The following ZNF582 variants were observed in gnomAD, a reference collection of about 807,000 sequenced individuals.
The protein encoded by ZNF582 is zinc finger protein 582.
In ZNF582, 14 loss-of-function variants were observed where a neutral mutation model predicts 12.3. The observed-to-expected ratio is 1.14, with a 90% CI of 0.75 to 1.78. ZNF582 has a LOEUF of 1.78. Among genes scored for constraint, ZNF582 ranks in the 40% most tolerant of loss-of-function variants. The probability of loss-of-function intolerance (pLI) is 0.00; values close to 1 mark genes in which losing one functional copy is unlikely to be tolerated. For synonymous variants in ZNF582, 210 were observed against 207.2 expected (o/e 1.01, Z -0.11); for missense variants, 567 against 616.5 (o/e 0.92, Z 0.85).
chr19:56,384,036 T>G (rs779270955), exon 5 of ZNF582: 1 of 1,613,122 alleles, frequency 6.2e-7, no homozygotes, highest in African/African-American at 1.3e-5. Flanking sequence ...GAATCATGAC[T>G]CAAGGTCTTC....
chr19:56,390,337 A>G (rs181970274), intron 3 of ZNF582, 38 bp downstream of exon 3: 2 of 1,613,664 alleles, frequency 1.2e-6, no homozygotes, highest in East Asian at 4.5e-5. Context: ...GAACATGCCC[A>G]AGGATAACCT....
chr19:56,384,313 C>T (rs929486580), exon 5 of ZNF582: 6 of 1,612,792 alleles, frequency 3.7e-6, no homozygotes, highest in South Asian at 1.1e-5. Context: ...ATACTTTGCA[C>T]TCATAGGGTT....
rs1252041929 is a variant in ZNF582 at position 56,384,064 on chromosome 19, A to T, written c.1353T>A (p.Tyr451Ter). ...AGGTCTTCTCACATTCCTTATATTCATAGGGCTTTTTCTCAGTGTGAATAA... is the reference window on the plus strand; with the variant it reads ...AGGTCTTCTCACATTCCTTATATTCTTAGGGCTTTTTCTCAGTGTGAATAA... The change falls in exon 5 of 5, where the codon TAT (tyrosine) becomes TAA (stop). Residue 451 changes from tyrosine (Y) to a stop codon, truncating the protein, a stop_gained. Coordinates refer to ENST00000586929, the Ensembl canonical transcript of ZNF582. LOFTEE classifies it low-confidence loss of function (END_TRUNC). 6.2e-7 allele frequency: 1 copy of T among 1,611,240 alleles called. No homozygotes were observed. Among genetic ancestry groups the T allele is most frequent in the Non-Finnish European group, 8.5e-7 (1 of 1,178,960 alleles).
Position 56,384,583 on chromosome 19 carries a change from T to TATCA in ZNF582, c.833_834insTGAT (p.Gly279AspfsTer9). 1 of 1,614,052 alleles carries TATCA rather than the reference T, an allele frequency of 6.2e-7. No individual in the cohort carries two copies. The highest frequency in any genetic ancestry group is 8.5e-7 in the Non-Finnish European group (1 of 1,180,000). On this transcript the variant is annotated frameshift_variant, in exon 5 of 5. Coordinates refer to ENST00000586929, the Ensembl canonical transcript of ZNF582. LOFTEE classifies it low-confidence loss of function (END_TRUNC). ...CCTTACACTGATAGGGTTTCTCGCC[T>TATCA]GTGTGAGTTCGCTGATGTTCAATCA...
chr19:56,384,239 T>G, exon 5 of ZNF582: 3 of 1,614,042 alleles, frequency 1.9e-6, no homozygotes, highest in Non-Finnish European at 2.5e-6. Context: ...TTGGTAGGGT[T>G]TCTCTCCAGT....
At chr19:56,393,367 G>T in exon 1 of ZNF582, 2 of 887,532 alleles carry the variant, frequency 2.3e-6, no homozygotes, top group Non-Finnish European at 1.6e-6. Flanking sequence ...TTCTTCTCAG[G>T]CCTGAGACCC....
intron 4 of ZNF582, among the ~76,000 whole-genome samples, chr19:56,389,079 G>A (rs1463699714): frequency 6.6e-6 from 1 of 152,204 alleles, no homozygotes; most frequent in African/African-American, 2.4e-5. Flanking sequence ...CAGCTGAAAT[G>A]CCTTATCCTT....
rs143353050 is a variant in ZNF582 at position 56,384,357 on chromosome 19, G to C, written c.1060C>G (p.Leu354Val). The change falls in exon 5 of 5, where the codon CTT becomes GTT. Residue 354 changes from leucine (L) to valine (V), a missense_variant. Coordinates refer to ENST00000586929, the Ensembl canonical transcript of ZNF582. ...GTATGAATTCTCTGATGTCGTATAA[G>C]AGTTGAGCCTTGATTAAAAGCCTTC... The C allele has an allele frequency of 1.7e-5, 28 of 1,609,444 alleles. No individual in the cohort carries two copies. The Admixed American group carries it at 2.7e-4, about 15-fold the overall frequency.
chr19:56,383,642 G>GA (rs2041936689), exon 5 of ZNF582: 1 of 420,004 alleles, frequency 2.4e-6, no homozygotes, highest in Non-Finnish European at 4.0e-6. Flanking sequence ...ACTGTGGTTA[G>GA]AAAATGTGGT....
intron 4 of ZNF582, among the ~76,000 whole-genome samples, chr19:56,385,399 T>G (rs12974620): frequency 0.3 from 45,898 of 152,054 alleles, 7,237 homozygotes; most frequent in Middle Eastern, 0.47. Context: ...AAAATGTTAG[T>G]GTGGGGCTGG....
chr19:56,389,616 C>T (rs1263648967), intron 4 of ZNF582, among the ~76,000 whole-genome samples: 1 of 151,922 alleles, frequency 6.6e-6, no homozygotes, highest in Non-Finnish European at 1.5e-5. Context: ...TAAACAAACC[C>T]CCATGACACA....
rs1167117910 is a variant in ZNF582, at chr19:56,384,890, C to T, written c.527G>A (p.Cys176Tyr). ...TTCCTTTTGCCAGAAGTCTTTTCTA[C>T]ATTTATTATACCCAAAAGGTTTTTC... The change falls in exon 5 of 5, where the codon TGT becomes TAT. Residue 176 changes from cysteine to tyrosine, a missense_variant. Cys to Tyr is a radical substitution (Grantham distance 194). Coordinates refer to ENST00000586929, the Ensembl canonical transcript of ZNF582. 3 of 1,613,308 alleles carry T rather than the reference C, an allele frequency of 1.9e-6. No individual in the cohort carries two copies. The South Asian group carries it at 3.3e-5, about 18-fold the overall frequency.
chr19:56,388,696 G>A (rs763728899), intron 4 of ZNF582, among the ~76,000 whole-genome samples: 5 of 152,086 alleles, frequency 3.3e-5, no homozygotes, highest in East Asian at 1.9e-4. Context: ...GCAGTGGTTC[G>A]ATCTCGGATC....
exon 4 of ZNF582, chr19:56,390,024 A>C: frequency 6.2e-7 from 1 of 1,613,218 alleles, no homozygotes; most frequent in Non-Finnish European, 8.5e-7. Context: ...TCCAGACACC[A>C]CTCTCTCCAC....
At chr19:56,390,120 A>C (rs1568787638) in intron 3 of ZNF582, 24 bp from the exon 4 acceptor site, 4 of 1,610,188 alleles carry the variant, frequency 2.5e-6, no homozygotes, top group Middle Eastern at 1.7e-4. Context: ...GAAACATGCC[A>C]CCTGGTTATG....
chr19:56,385,689 A>T (rs1025511927), intron 4 of ZNF582, among the ~76,000 whole-genome samples: 8 of 149,792 alleles, frequency 5.3e-5, no homozygotes, highest in Non-Finnish European at 1.0e-4. Context: ...AAAAAAAAAG[A>T]GTTGGTGTGG....
chr19:56,382,767 T>G (rs377101982), exon 5 of ZNF582: 1 of 152,278 alleles, frequency 6.6e-6, no homozygotes, highest in African/African-American at 2.4e-5. Context: ...AGCAATCAAG[T>G]TTTATTTTTC....
At chr19:56,388,686 G>A (rs911424359) in intron 4 of ZNF582, among the ~76,000 whole-genome samples, 20 of 151,958 alleles carry the variant, frequency 1.3e-4, no homozygotes, top group African/African-American at 2.7e-4. Flanking sequence ...CAGCTGGAGC[G>A]CAGTGGTTCG....
chr19:56,390,121 C>A, intron 3 of ZNF582, 25 bp from the exon 4 acceptor site: 1 of 1,610,248 alleles, frequency 6.2e-7, no homozygotes, highest in Non-Finnish European at 8.5e-7. Flanking sequence ...AAACATGCCA[C>A]CTGGTTATGG....
Sources: allele counts gnomAD v4.1 joint callset (sites outside exome capture counted in the v4.1 genomes callset), GRCh38; gene constraint gnomAD v4.1.1; transcripts MANE v1.5; gene names NCBI Gene and HGNC (gene_info 2026-07-23, HGNC 2026-07-21).